RBM23: variants seen among roughly 807,000 people sequenced by gnomAD.
The protein encoded by RBM23 is probable RNA-binding protein 23.
Under a neutral mutation model 56.2 loss-of-function variants are expected in RBM23, and 53 were observed. The ratio of observed to expected loss-of-function variants is 0.94; its 90% confidence interval spans 0.76 to 1.19. The LOEUF (loss-of-function observed/expected upper bound fraction) is 1.19, where lower values mean the gene tolerates loss of function less well. Among genes scored for constraint, RBM23 ranks in the 50% most tolerant of loss-of-function variants. The pLI, the probability that RBM23 is intolerant of heterozygous loss-of-function variation, is 0.00. For missense variants in RBM23, 642 were observed against 590.3 expected, an observed-to-expected ratio of 1.09 and a Z score of -0.91; for synonymous variants, 197 against 198.5, an observed-to-expected ratio of 0.99 and a Z score of 0.06.
At chr14:22,906,085 C>A (rs2041493108) in intron 5 of RBM23, 110 bp downstream of exon 5, 1 of 1,280,602 alleles carries the variant, frequency 7.8e-7, no homozygotes, top group Non-Finnish European at 1.1e-6. Flanking sequence ...CCTGAGTATC[C>A]TGCCAATCAC....
At chr14:22,909,889 AC>A (rs2042164245) in intron 2 of RBM23, among the ~76,000 whole-genome samples, 1 of 152,096 alleles carries the variant, frequency 6.6e-6, no homozygotes, top group Non-Finnish European at 1.5e-5. Context: ...GCAGTGGCTC[AC>A]GCCTGTAATC....
At position 22,894,372 on chromosome 14, in the gene RBM23, T is replaced by C. The variant is rs754680293; in HGVS notation, c.*7358A>G. The C allele has an allele frequency of 2.0e-5, 3 of 152,240 alleles. No homozygotes were observed. The highest frequency in any genetic ancestry group is 4.4e-5 in the Non-Finnish European group (3 of 68,046). 9.4% of individuals were successfully genotyped at this position (152,240 alleles called of 1,614,324 possible). On this transcript the variant is annotated 3_prime_UTR_variant, in exon 14 of 14. Coordinates refer to ENST00000359890, the MANE Select transcript of RBM23 (RefSeq NM_001077351.2). The stretch of plus-strand genomic sequence containing the variant: ...GTATTTTACTGCATGATTTTCCATT[T>C]TTGTGTTCAAATTACAACTTGACTT...
At chr14:22,901,790 A>T in intron 13 of RBM23, 24 bp downstream of exon 13, 1 of 1,614,086 alleles carries the variant, frequency 6.2e-7, no homozygotes, top group South Asian at 1.1e-5. Context: ...CAAAGGCTAG[A>T]ATGAGCTAGA....
In RBM23 at chr14:22,894,855, C is replaced by G. The variant is rs2040222937; in HGVS notation, c.*6875G>C. On this transcript the variant is annotated 3_prime_UTR_variant, in exon 14 of 14. Transcript: ENST00000359890. Reference sequence around the variant, plus strand: ...GAGATCGAAACCATCCTGGCTAAAACAGTGAAACCCCATCTCTACTAAAAA... The same window carrying G: ...GAGATCGAAACCATCCTGGCTAAAAGAGTGAAACCCCATCTCTACTAAAAA... 1 of 151,752 alleles carries G rather than the reference C, an allele frequency of 6.6e-6. No individual in the cohort carries two copies. Among genetic ancestry groups the G allele is most frequent in the Admixed American group, 6.6e-5 (1 of 15,242 alleles). 9.4% of individuals were successfully genotyped at this position (151,752 alleles called of 1,614,324 possible). A position where few individuals can be genotyped will look rare whatever the true frequency, so the allele number is the denominator to read the frequency against.
Position 22,901,597 on chromosome 14 carries a change from C to G in RBM23, c.*133G>C. 2 of 1,350,182 alleles carry G rather than the reference C, an allele frequency of 1.5e-6. No individual in the cohort carries two copies. The highest frequency in any genetic ancestry group is 1.0e-6 in the Non-Finnish European group (1 of 960,958). The allele number at this position is 1,350,182 out of a possible 1,614,324, so 83.6% of individuals were successfully genotyped here. On this transcript the variant is annotated 3_prime_UTR_variant, in exon 14 of 14. Coordinates refer to ENST00000359890, the MANE Select transcript of RBM23 (RefSeq NM_001077351.2). ...TTTCTTGGTATCTTAAGGGTGGCCC[C>G]AATTTCCTCAGAGACAATGTCCATG... is the stretch of plus-strand genomic sequence containing the variant.
At chr14:22,903,929 T>C in intron 10 of RBM23, 1 of 1,250,016 alleles carries the variant, frequency 8.0e-7, no homozygotes, top group South Asian at 1.6e-5. Context: ...AAAGCATGTC[T>C]TTAAAAGCCC....
At chr14:22,911,029 T>C (rs913051072) in intron 2 of RBM23, among the ~76,000 whole-genome samples, 2 of 151,890 alleles carry the variant, frequency 1.3e-5, no homozygotes. Context: ...AAAAAAGAAA[T>C]TGGTGCTAGG....
Position 22,906,913 on chromosome 14 carries a change from C to T in RBM23, c.228-545G>A, listed in dbSNP as rs146756855. On this transcript the variant is annotated intron_variant, in intron 4 of 13. Transcript: ENST00000359890. ...ATTAGACCAGGCACGGTGGCTCACG[C>T]CTGTAATCCCAGCACTTTGGGAGAC... is the stretch of plus-strand genomic sequence containing the variant. Among the ~76,000 whole-genome samples the T allele has an allele frequency of 3.2e-3, 492 of 152,334 alleles. 2 individuals carry two copies. The highest frequency in any genetic ancestry group is 0.011 in the African/African-American group (468 of 41,576).
rs2040205762 is a variant in RBM23, at chr14:22,893,947, G to A, written c.*7783C>T. ...TTGAATGCTTTTCAATTAGTGCTCA[G>A]GATGTTTCCTGGATGGGGGTCTGTG... On this transcript the variant is annotated 3_prime_UTR_variant, in exon 14 of 14. Coordinates refer to ENST00000359890, the MANE Select transcript of RBM23 (RefSeq NM_001077351.2). 1 of 152,190 alleles carries A rather than the reference G, an allele frequency of 6.6e-6. No individual in the cohort carries two copies. The highest frequency in any genetic ancestry group is 6.5e-5 in the Admixed American group (1 of 15,272). The allele number at this position is 152,190 out of a possible 1,614,324, so 9.4% of individuals were successfully genotyped here. A position where few individuals can be genotyped will look rare whatever the true frequency, so the allele number is the denominator to read the frequency against.
At chr14:22,917,350 T>C (rs1369138987) in intron 1 of RBM23, 1 of 152,190 alleles carries the variant, frequency 6.6e-6, no homozygotes, top group African/African-American at 2.4e-5. Flanking sequence ...ACACACACAC[T>C]AAAACTTACA....
intron 1 of RBM23, among the ~76,000 whole-genome samples, chr14:22,913,332 T>C (rs1347339829): frequency 6.8e-6 from 1 of 146,384 alleles, no homozygotes; most frequent in African/African-American, 2.5e-5. Context: ...GAGAATGGCA[T>C]GAAGCTGGGA....
intron 4 of RBM23, 138 bp downstream of exon 4, chr14:22,908,195 A>AC: frequency 1.1e-6 from 1 of 917,992 alleles, no homozygotes; most frequent in South Asian, 1.7e-5. Flanking sequence ...TAATTTTTAA[A>AC]TTTTTTGTAG....
intron 10 of RBM23, 83 bp downstream of exon 10, chr14:22,904,178 G>T: frequency 1.2e-6 from 2 of 1,609,402 alleles, no homozygotes; most frequent in South Asian, 2.2e-5. Context: ...GTTCCTAAAG[G>T]AGGAGGATGA....
At position 22,906,383 on chromosome 14, in the gene RBM23, A is replaced by G. The variant is rs748999930; in HGVS notation, c.228-15T>C. The G allele has an allele frequency of 1.9e-6, 3 of 1,613,290 alleles. No individual in the cohort carries two copies. The highest frequency in any genetic ancestry group is 3.3e-5 in the Admixed American group (2 of 60,006). ...CTCGACTACGACTACAGAGGGAAAC[A>G]ACTACAGTCATGCCCACATCATGTT... On this transcript the variant is annotated splice_polypyrimidine_tract_variant and intron_variant, in intron 4 of 13. Coordinates refer to ENST00000359890, the MANE Select transcript of RBM23 (RefSeq NM_001077351.2).
rs906774455 is a variant in RBM23, at chr14:22,896,221, A to G, written c.*5509T>C. The G allele has an allele frequency of 1.3e-5, 2 of 152,176 alleles. No homozygotes were observed. The highest frequency in any genetic ancestry group is 3.8e-4 in the East Asian group (2 of 5,196). 9.4% of individuals were successfully genotyped at this position (152,176 alleles called of 1,614,324 possible). ...CTCAATGAATTCTCACAACATCCCT[A>G]TGAGATAGGTGTTATCATTTCCTTT... On this transcript the variant is annotated 3_prime_UTR_variant, in exon 14 of 14. Coordinates refer to ENST00000359890, the MANE Select transcript of RBM23 (RefSeq NM_001077351.2).
chr14:22,904,090 C>G (rs1319828965), intron 10 of RBM23, 171 bp downstream of exon 10: 5 of 1,530,666 alleles, frequency 3.3e-6, no homozygotes, highest in Admixed American at 4.0e-5. Flanking sequence ...AAGCCAAGAT[C>G]TCAAGCAATG....
chr14:22,902,123 A>AT, intron 11 of RBM23, 24 bp from the exon 12 acceptor site: 1 of 1,605,296 alleles, frequency 6.2e-7, no homozygotes, highest in African/African-American at 1.3e-5. Context: ...AAAAGGTGGG[A>AT]TTAAGCCCCA....
rs1717058752 is a variant in RBM23, at chr14:22,898,132, T to G, written c.*3598A>C. The G allele has an allele frequency of 6.6e-6, 1 of 152,236 alleles. No homozygotes were observed. The highest frequency in any genetic ancestry group is 2.4e-5 in the African/African-American group (1 of 41,460). 9.4% of individuals were successfully genotyped at this position (152,236 alleles called of 1,614,324 possible). A position where few individuals can be genotyped will look rare whatever the true frequency, so the allele number is the denominator to read the frequency against. On this transcript the variant is annotated 3_prime_UTR_variant, in exon 14 of 14. Coordinates refer to ENST00000359890, the MANE Select transcript of RBM23 (RefSeq NM_001077351.2). Reference sequence around the variant, plus strand: ...TCAGGTTTTTACTCAATTCCCTTCATGATATGCTCCAGGACTAAAAGTTCA... The same window carrying G: ...TCAGGTTTTTACTCAATTCCCTTCAGGATATGCTCCAGGACTAAAAGTTCA...
At chr14:22,911,538 G>T in intron 1 of RBM23, 135 bp from the exon 2 acceptor site, 1 of 660,586 alleles carries the variant, frequency 1.5e-6, no homozygotes, top group Non-Finnish European at 2.6e-6. Context: ...GAACTGCAAA[G>T]AAACCTTACC....
Sources: allele counts gnomAD v4.1 joint callset (sites outside exome capture counted in the v4.1 genomes callset), GRCh38; gene constraint gnomAD v4.1.1; transcripts MANE v1.5; gene names NCBI Gene and HGNC (gene_info 2026-07-23, HGNC 2026-07-21).